The following PACRG variants were observed in gnomAD, a reference collection of about 807,000 sequenced individuals.
PACRG encodes parkin coregulated.
Under a neutral mutation model 29.7 loss-of-function variants are expected in PACRG, and 29 were observed. The observed-to-expected ratio is 0.98, with a 90% CI of 0.73 to 1.33. The LOEUF is 1.33. Ranked by LOEUF, PACRG falls within the 40% of genes most tolerant of loss-of-function variation. The pLI is 0.00. For synonymous variants in PACRG, 116 were observed against 118.7 expected, an observed-to-expected ratio of 0.98 and a Z score of 0.15; for missense variants, 279 against 316.2, an observed-to-expected ratio of 0.88 and a Z score of 0.89.
chr6:162,844,995 C>T (rs898678807), intron 2 of PACRG, among the ~76,000 whole-genome samples: 1 of 151,936 alleles, frequency 6.6e-6, no homozygotes, highest in Non-Finnish European at 1.5e-5. Context: ...ATTAGAGAGT[C>T]ATAAAGCTGA....
intron 2 of PACRG, among the ~76,000 whole-genome samples, chr6:162,986,841 T>TAAG (rs1802936327): frequency 6.6e-6 from 1 of 152,176 alleles, no homozygotes; most frequent in Non-Finnish European, 1.5e-5. Context: ...CATATTTCTT[T>TAAG]AAGTGTGTCT....
At chr6:163,081,164 C>T (rs978148504) in intron 3 of PACRG, among the ~76,000 whole-genome samples, 5 of 152,106 alleles carry the variant, frequency 3.3e-5, no homozygotes, top group African/African-American at 9.7e-5. Flanking sequence ...ATGGTTGGCA[C>T]TCCTGAACTA....
At chr6:163,298,046 A>G (rs9456853) in intron 4 of PACRG, among the ~76,000 whole-genome samples, 8,878 of 152,232 alleles carry the variant, frequency 0.058, 804 homozygotes, top group African/African-American at 0.19. Flanking sequence ...TCTTCATCAC[A>G]TCTCTCTGCT....
At chr6:163,213,740 G>T (rs1051262435) in intron 4 of PACRG, among the ~76,000 whole-genome samples, 1 of 151,970 alleles carries the variant, frequency 6.6e-6, no homozygotes, top group Non-Finnish European at 1.5e-5. Context: ...TCAGTTATAG[G>T]TATTACGAAT....
intron 3 of PACRG, among the ~76,000 whole-genome samples, chr6:163,070,313 C>T (rs972910531): frequency 1.3e-5 from 2 of 151,936 alleles, no homozygotes; most frequent in African/African-American, 2.4e-5. Flanking sequence ...AGTAGAAACA[C>T]TAAATGATGA....
chr6:163,079,018 T>C (rs942434858), intron 3 of PACRG, among the ~76,000 whole-genome samples: 4 of 151,960 alleles, frequency 2.6e-5, no homozygotes, highest in African/African-American at 9.7e-5. Flanking sequence ...GCAGACCGGA[T>C]CCCAGCTTGC....
At chr6:163,174,302 C>CCCA (rs1779238397) in intron 4 of PACRG, among the ~76,000 whole-genome samples, 1 of 152,182 alleles carries the variant, frequency 6.6e-6, no homozygotes, top group Admixed American at 6.5e-5. Flanking sequence ...CCATCCTGGG[C>CCCA]TGTATGCAGC....
At chr6:163,200,190 T>C (rs1192295007) in intron 4 of PACRG, among the ~76,000 whole-genome samples, 1 of 152,200 alleles carries the variant, frequency 6.6e-6, no homozygotes, top group Non-Finnish European at 1.5e-5. Context: ...AGTCTGAGCC[T>C]ACAAATATTT....
Position 163,079,419 on chromosome 6 carries a change from AAAG to A in PACRG, c.464-9837_464-9835del, listed in dbSNP as rs1198944236. Among the ~76,000 whole-genome samples, 1,049 of 148,088 alleles carry A rather than the reference AAAG, an allele frequency of 7.1e-3. 17 individuals carry two copies. Among genetic ancestry groups the A allele is most frequent in the African/African-American group, 0.025 (947 of 37,902 alleles). ...TTGTTCACAGAGTTAAAAAAAAAAA[AAAG>A]AAAGAAAGAAAAAGCCTACTTTTTC... On this transcript the variant is annotated intron_variant, in intron 3 of 4. Transcript: ENST00000366888.
chr6:162,876,480 T>TC (rs1394059738), intron 2 of PACRG, among the ~76,000 whole-genome samples: 1 of 152,224 alleles, frequency 6.6e-6, no homozygotes, highest in Non-Finnish European at 1.5e-5. Context: ...GAGCTTTTCT[T>TC]CATGTTTGAT....
chr6:162,768,011 T>C (rs1317291289), intron 1 of PACRG, among the ~76,000 whole-genome samples: 1 of 152,104 alleles, frequency 6.6e-6, no homozygotes, highest in Non-Finnish European at 1.5e-5. Context: ...TTAGATGTTA[T>C]GTTTATTACT....
intron 4 of PACRG, among the ~76,000 whole-genome samples, chr6:163,306,401 G>T (rs1176567293): frequency 6.6e-6 from 1 of 152,046 alleles, no homozygotes; most frequent in Non-Finnish European, 1.5e-5. Flanking sequence ...TCCAGTAGAG[G>T]GATAAATTGA....
At chr6:162,968,491 A>G (rs1442898755) in intron 2 of PACRG, among the ~76,000 whole-genome samples, 1 of 152,174 alleles carries the variant, frequency 6.6e-6, no homozygotes, top group Admixed American at 6.5e-5. Flanking sequence ...ACAAAACAGC[A>G]TTTCCTTTTG....
chr6:162,794,275 A>G (rs1461895606), intron 1 of PACRG, among the ~76,000 whole-genome samples: 2 of 152,046 alleles, frequency 1.3e-5, no homozygotes, highest in Non-Finnish European at 2.9e-5. Context: ...TTGTTACTAT[A>G]TATTTCCTGC....
Position 163,097,352 on chromosome 6 carries a change from A to G in PACRG, c.613+7944A>G, listed in dbSNP as rs139356867. Among the ~76,000 whole-genome samples, 176 of 152,346 alleles carry G rather than the reference A, an allele frequency of 1.2e-3. No homozygotes were observed. In the Middle Eastern group the frequency reaches 0.037, roughly 32 times the overall value. ...AGAGTTGCAGATAGGTTCATGACCCAGGCACATCCCCATTGTTTCTGGACC... is the reference window on the plus strand; with the variant it reads ...AGAGTTGCAGATAGGTTCATGACCCGGGCACATCCCCATTGTTTCTGGACC... On this transcript the variant is annotated intron_variant, in intron 4 of 4. Transcript: ENST00000366888.
intron 2 of PACRG, among the ~76,000 whole-genome samples, chr6:162,920,056 A>G (rs1436231415): frequency 6.6e-6 from 1 of 151,860 alleles, no homozygotes; most frequent in African/African-American, 2.4e-5. Flanking sequence ...TTCCCTCTTC[A>G]CTCACAATCT....
intron 2 of PACRG, among the ~76,000 whole-genome samples, chr6:162,940,645 T>C (rs1430622231): frequency 6.6e-6 from 1 of 152,198 alleles, no homozygotes; most frequent in African/African-American, 2.4e-5. Context: ...TCTCCCGCTC[T>C]GCTCCGTGCC....
chr6:162,957,276 G>T (rs1800122578), intron 2 of PACRG: 1 of 537,380 alleles, frequency 1.9e-6, no homozygotes, highest in South Asian at 1.8e-5. Context: ...CTTTCACAAT[G>T]ATTTTCTGCT....
intron 2 of PACRG, among the ~76,000 whole-genome samples, chr6:162,918,865 T>C (rs1796875394): frequency 6.6e-6 from 1 of 152,164 alleles, no homozygotes; most frequent in Non-Finnish European, 1.5e-5. Flanking sequence ...TTTTATTGGG[T>C]TCATAGGTTG....
Sources: allele counts gnomAD v4.1 joint callset (sites outside exome capture counted in the v4.1 genomes callset), GRCh38; gene constraint gnomAD v4.1.1; transcripts MANE v1.5; gene names NCBI Gene and HGNC (gene_info 2026-07-23, HGNC 2026-07-21).